RAB41: variants seen among roughly 807,000 people sequenced by gnomAD.
RAB41 encodes RAB41, member RAS oncogene family, also known as ras-related protein Rab-41.
Under a neutral mutation model 19.0 loss-of-function variants are expected in RAB41, and 15 were observed. The observed-to-expected ratio is 0.79, with a 90% CI of 0.53 to 1.21. The LOEUF is 1.21. RAB41 is among the 50% of genes most tolerant of loss of function. RAB41 has a pLI of 0.00. For missense variants in RAB41, 177 were observed against 179.7 expected (o/e 0.99, Z 0.09); for synonymous variants, 73 against 64.7 (o/e 1.13, Z -0.62).
At position 70,282,568 on chromosome X, in the gene RAB41, A is replaced by G; in HGVS notation, c.160A>G (p.Asn54Asp). The G allele has an allele frequency of 2.5e-6, 3 of 1,211,108 alleles. No homozygotes were observed. Among genetic ancestry groups the G allele is most frequent in the Non-Finnish European group, 3.4e-6 (3 of 895,035 alleles). ...ATCCATCATCAGCCGCTTCATGTACAACAGCTTCGGCTGCGCCTGCCAGGT... is the reference window on the plus strand; with the variant it reads ...ATCCATCATCAGCCGCTTCATGTACGACAGCTTCGGCTGCGCCTGCCAGGT... Reference protein sequence around the residue: ...KTSIISRFMYNSFGCACQATV... With the variant: ...KTSIISRFMYDSFGCACQATV... Residue 54 changes from asparagine (N) to aspartate (D), a missense_variant, in exon 2 of 8, where the codon AAC becomes GAC. By Grantham distance (23) the Asn-to-Asp change is conservative. Transcript: ENST00000374473.
At chrX:70,282,482 G>C (rs371188094) in intron 1 of RAB41, 51 bp from the exon 2 acceptor site, 2 of 1,175,147 alleles carry the variant, frequency 1.7e-6, no homozygotes, top group Middle Eastern at 2.4e-4. Flanking sequence ...GAAACTTTGA[G>C]GGGAGAAAGG....
In RAB41 at chrX:70,282,518, T is replaced by C; in HGVS notation, c.125-15T>C. 2 of 1,209,564 alleles carry C rather than the reference T, an allele frequency of 1.7e-6. No individual in the cohort carries two copies. The highest frequency in any genetic ancestry group is 2.2e-6 in the Non-Finnish European group (2 of 893,580). ...GCACTGAGGGCGACGATTGGCCTGCTTATCTCCCTCACAGTAGGGAAGACA... is the reference window on the plus strand; with the variant it reads ...GCACTGAGGGCGACGATTGGCCTGCCTATCTCCCTCACAGTAGGGAAGACA... On this transcript the variant is annotated splice_polypyrimidine_tract_variant and intron_variant, in intron 1 of 7. Coordinates refer to ENST00000374473, the MANE Select transcript of RAB41 (RefSeq NM_001363807.1).
Position 70,282,274 on chromosome X carries a change from G to C in RAB41, c.57G>C (p.Glu19Asp), listed in dbSNP as rs770723281. The change falls in exon 1 of 8, where the codon GAG (glutamate) becomes GAC (aspartate). Residue 19 changes from glutamate to aspartate, a missense_variant. Physicochemically the swap from Glu to Asp is conservative, Grantham distance 45. Transcript: ENST00000374473. The stretch of plus-strand genomic sequence containing the variant: ...TGGAGGCCGGAGGCTTTGGTCTGGA[G>C]GCTGCCGAAAGAACGGAATACCAGT... ...AWMEAGGFGL[E>D]AAERTEYQSL... 30 of 1,210,625 alleles carry C rather than the reference G, an allele frequency of 2.5e-5. No homozygotes were observed. The East Asian group carries it at 8.0e-4, about 32-fold the overall frequency.
chrX:70,284,181 G>A, intron 6 of RAB41, 85 bp from the exon 7 acceptor site: 1 of 1,080,358 alleles, frequency 9.3e-7, no homozygotes, highest in Admixed American at 2.4e-5. Context: ...GTATCTCAAA[G>A]GCCCTGAATT....
In RAB41 at chrX:70,283,589, GT is replaced by G. The variant is rs1208656367; in HGVS notation, c.422del (p.Leu141CysfsTer28). 1 of 1,202,496 alleles carries G rather than the reference GT, an allele frequency of 8.3e-7. No individual in the cohort carries two copies. The highest frequency in any genetic ancestry group is 3.0e-5 in the East Asian group (1 of 33,768). ...AAAGAGGTGACGATGTTGTCATCATGTTGTTGGGTAACAAGATTGATTTGGA... is the reference window on the plus strand; with the variant it reads ...AAAGAGGTGACGATGTTGTCATCATGTGTTGGGTAACAAGATTGATTTGGA... ...AERGDDVVIM[L>X]LGNKIDLDNK... On this transcript the variant is annotated frameshift_variant, in exon 5 of 8. Transcript: ENST00000374473. LOFTEE classifies it high-confidence loss of function.
At chrX:70,282,666 C>CA in intron 2 of RAB41, 75 bp downstream of exon 2, 1 of 1,101,588 alleles carries the variant, frequency 9.1e-7, no homozygotes, top group Non-Finnish European at 1.3e-6. Flanking sequence ...TTCTCCTCCT[C>CA]AAAGTTATGT....
rs905976322 is a variant in RAB41, at chrX:70,282,556, C to T, written c.148C>T (p.Arg50Cys). The change falls in exon 2 of 8, where the codon CGC becomes TGC. Residue 50 changes from arginine to cysteine, a missense_variant. Arg to Cys is a radical substitution (Grantham distance 180). Transcript: ENST00000374473. ...QSVGKTSIISRFMYNSFGCAC... is the reference protein window; with the variant it reads ...QSVGKTSIISCFMYNSFGCAC... ...AGTAGGGAAGACATCCATCATCAGCCGCTTCATGTACAACAGCTTCGGCTG... is the reference window on the plus strand; with the variant it reads ...AGTAGGGAAGACATCCATCATCAGCTGCTTCATGTACAACAGCTTCGGCTG... The T allele has an allele frequency of 2.2e-5, 26 of 1,209,141 alleles. No individual in the cohort carries two copies. Among genetic ancestry groups the T allele is most frequent in the South Asian group, 8.8e-5 (5 of 56,714 alleles).
Position 70,284,929 on chromosome X carries a change from A to G in RAB41, c.*286A>G. On this transcript the variant is annotated 3_prime_UTR_variant, in exon 8 of 8. Coordinates refer to ENST00000374473, the MANE Select transcript of RAB41 (RefSeq NM_001363807.1). ...GTTCTACAGCAGCTGACATACTTCAAAGGCCAATACAATTCATTCTCCACT... is the reference window on the plus strand; with the variant it reads ...GTTCTACAGCAGCTGACATACTTCAGAGGCCAATACAATTCATTCTCCACT... 2.8e-6 allele frequency: 1 copy of G among 352,270 alleles called. No homozygotes were observed. The highest frequency in any genetic ancestry group is 5.0e-6 in the Non-Finnish European group (1 of 199,488). The allele number at this position is 352,270 out of a possible 1,213,427, so 29.0% of individuals were successfully genotyped here. A position where few individuals can be genotyped will look rare whatever the true frequency, so the allele number is the denominator to read the frequency against.
In RAB41 at chrX:70,284,828, G is replaced by T. The variant is rs933286894; in HGVS notation, c.*185G>T. 20 of 444,997 alleles carry T rather than the reference G, an allele frequency of 4.5e-5. No homozygotes were observed. The highest frequency in any genetic ancestry group is 6.7e-5 in the Non-Finnish European group (17 of 252,948). 36.7% of individuals were successfully genotyped at this position (444,997 alleles called of 1,213,427 possible). A position where few individuals can be genotyped will look rare whatever the true frequency, so the allele number is the denominator to read the frequency against. On this transcript the variant is annotated 3_prime_UTR_variant, in exon 8 of 8. Transcript: ENST00000374473. The stretch of plus-strand genomic sequence containing the variant: ...TCCTGACCGCATCTCACAGCTACTG[G>T]GTGGAAGCTTCTTGCAGCACCTGGG...
Position 70,282,818 on chromosome X carries a change from ACTT to A in RAB41, c.204_206del (p.Phe68del). 1 of 1,210,379 alleles carries A rather than the reference ACTT, an allele frequency of 8.3e-7. No homozygotes were observed. On this transcript the variant is annotated inframe_deletion, in exon 3 of 8. Coordinates refer to ENST00000374473, the MANE Select transcript of RAB41 (RefSeq NM_001363807.1). ...CTTTTGCAGGCAACTGTTGGAATTG[ACTT>A]CTTGTCTAAGACCATGTACTTGGAG...
intron 6 of RAB41, 40 bp downstream of exon 6, chrX:70,284,083 T>G (rs1206203553): frequency 9.9e-7 from 1 of 1,013,965 alleles, no homozygotes; most frequent in Non-Finnish European, 1.4e-6. Flanking sequence ...AATTGTGCTC[T>G]GTCTGTAGCT....
At position 70,283,982 on chromosome X, in the gene RAB41, C is replaced by T; in HGVS notation, c.488C>T (p.Ser163Phe). The T allele has an allele frequency of 8.3e-7, 1 of 1,208,898 alleles. No homozygotes were observed. Among genetic ancestry groups the T allele is most frequent in the Non-Finnish European group, 1.1e-6 (1 of 892,993 alleles). Residue 163 changes from serine (S) to phenylalanine (F), a missense_variant, in exon 6 of 8, where the codon TCC becomes TTC. Coordinates refer to ENST00000374473, the MANE Select transcript of RAB41 (RefSeq NM_001363807.1). Reference sequence around the variant, plus strand: ...ACTGCAGAACAGGGTGAAGAAAAATCCAGAAACCTCAATGTGATGTTTATT... The same window carrying T: ...ACTGCAGAACAGGGTGAAGAAAAATTCAGAAACCTCAATGTGATGTTTATT... ...QVTAEQGEEK[S>F]RNLNVMFIET...
At position 70,282,328 on chromosome X, in the gene RAB41, G is replaced by A. The variant is rs763235851; in HGVS notation, c.111G>A (p.Leu37=). ...TGTGCAAATCTAAACTCTTATTCCT[G>A]GGAGAGCAGAGCGGTGTGGGTCTGG... ...QSLCKSKLLF[L]GEQSVGKTSI... Residue 37 remains leucine, a synonymous_variant, in exon 1 of 8, where the codon CTG becomes CTA. Coordinates refer to ENST00000374473, the MANE Select transcript of RAB41 (RefSeq NM_001363807.1). 5 of 1,211,928 alleles carry A rather than the reference G, an allele frequency of 4.1e-6. No individual in the cohort carries two copies. The highest frequency in any genetic ancestry group is 4.5e-6 in the Non-Finnish European group (4 of 895,484).
In RAB41 at chrX:70,284,948, C is replaced by G. The variant is rs1177442546; in HGVS notation, c.*305C>G. ...ACTTCAAAGGCCAATACAATTCATTCTCCACTGTTTGTTGTTGTTTACCTA... is the reference window on the plus strand; with the variant it reads ...ACTTCAAAGGCCAATACAATTCATTGTCCACTGTTTGTTGTTGTTTACCTA... On this transcript the variant is annotated 3_prime_UTR_variant, in exon 8 of 8. Transcript: ENST00000374473. 1 of 310,726 alleles carries G rather than the reference C, an allele frequency of 3.2e-6. No homozygotes were observed. Among genetic ancestry groups the G allele is most frequent in the Non-Finnish European group, 5.7e-6 (1 of 176,352 alleles). 25.6% of individuals were successfully genotyped at this position (310,726 alleles called of 1,213,427 possible).
At position 70,282,961 on chromosome X, in the gene RAB41, C is replaced by T; in HGVS notation, c.237+106C>T. The T allele has an allele frequency of 4.6e-6, 3 of 649,182 alleles. No homozygotes were observed. The South Asian group carries it at 7.5e-5, about 16-fold the overall frequency. The allele number at this position is 649,182 out of a possible 1,213,427, so 53.5% of individuals were successfully genotyped here. ...AAAAACTGAAGCCTCTTCAAATTACCAAGCCCTATGATGTTTCTTGTTCTG... is the reference window on the plus strand; with the variant it reads ...AAAAACTGAAGCCTCTTCAAATTACTAAGCCCTATGATGTTTCTTGTTCTG... On this transcript the variant is annotated intron_variant, in intron 3 of 7. Transcript: ENST00000374473.
At chrX:70,282,888 A>C (rs1336506692) in intron 3 of RAB41, 33 bp downstream of exon 3, 69 of 1,122,023 alleles carry the variant, frequency 6.1e-5, no homozygotes, top group Non-Finnish European at 8.5e-5. Flanking sequence ...CTAACCCTAC[A>C]CTTCAACCCC....
In RAB41 at chrX:70,282,861, T is replaced by C. The variant is rs2085696321; in HGVS notation, c.237+6T>C. ...TGTACTTGGAGGACCAAATAGTGAG[T>C]GTTAACTCTCATACCACTAACCCTA... On this transcript the variant is annotated splice_donor_region_variant and intron_variant, in intron 3 of 7. Transcript: ENST00000374473. The C allele has an allele frequency of 2.5e-6, 3 of 1,189,316 alleles. No homozygotes were observed. Among genetic ancestry groups the C allele is most frequent in the Non-Finnish European group, 3.4e-6 (3 of 876,211 alleles).
rs2085704431 is a variant in RAB41, at chrX:70,284,102, T to C, written c.549+59T>C. ...GTGCTCTGTCTGTAGCTACTACTAC[T>C]GTTTACTCTTTTGGATAAGCTTGGC... On this transcript the variant is annotated intron_variant, in intron 6 of 7. Coordinates refer to ENST00000374473, the MANE Select transcript of RAB41 (RefSeq NM_001363807.1). 1.2e-5 allele frequency: 12 copies of C among 974,861 alleles called. No individual in the cohort carries two copies. The Admixed American group carries it at 2.7e-4, about 22-fold the overall frequency. 80.3% of individuals were successfully genotyped at this position (974,861 alleles called of 1,213,427 possible).
rs751484280 is a variant in RAB41, at chrX:70,283,997, T to C, written c.503T>C (p.Val168Ala). Residue 168 changes from valine (V) to alanine (A), a missense_variant, in exon 6 of 8, where the codon GTG becomes GCG. By Grantham distance (64) the Val-to-Ala change is moderately conservative. Coordinates refer to ENST00000374473, the MANE Select transcript of RAB41 (RefSeq NM_001363807.1). ...QGEEKSRNLN[V>A]MFIETSAKTG... Reference sequence around the variant, plus strand: ...GAAGAAAAATCCAGAAACCTCAATGTGATGTTTATTGAGACCAGTGCCAAA... The same window carrying C: ...GAAGAAAAATCCAGAAACCTCAATGCGATGTTTATTGAGACCAGTGCCAAA... 2.2e-5 allele frequency: 26 copies of C among 1,205,106 alleles called. No homozygotes were observed. The South Asian group carries it at 4.4e-4, about 20-fold the overall frequency.
Sources: allele counts gnomAD v4.1 joint callset, GRCh38; gene constraint gnomAD v4.1.1; transcripts MANE v1.5; gene names NCBI Gene and HGNC (gene_info 2026-07-23, HGNC 2026-07-21).